Variants in SLC66A2 observed in about 807,000 individuals in gnomAD.
SLC66A2 encodes solute carrier family 66 member 2, also known as PQ loop repeat containing 1.
SLC66A2 carries 23 observed loss-of-function variants against 25.5 expected under a neutral mutation model. The observed-to-expected ratio is 0.90, with a 90% CI of 0.65 to 1.28. The LOEUF (loss-of-function observed/expected upper bound fraction) is 1.28. Among genes scored for constraint, SLC66A2 ranks in the 50% most tolerant of loss-of-function variants. The pLI is 0.00. For synonymous variants in SLC66A2, 193 were observed against 166.5 expected, an observed-to-expected ratio of 1.16 and a Z score of -1.23; for missense variants, 396 against 373.1, an observed-to-expected ratio of 1.06 and a Z score of -0.51.
At position 79,904,090 on chromosome 18, in the gene SLC66A2, G is replaced by C; in HGVS notation, c.702C>G (p.Gly234=). The change falls in exon 6 of 6, where the codon GGC becomes GGG. Residue 234 remains glycine (G), a synonymous_variant. Coordinates refer to ENST00000397778, the MANE Select transcript of SLC66A2 (RefSeq NM_025078.5). The surrounding 1 kb of genome is among the most constrained non-coding windows in gnomAD (Gnocchi z 6.3). ...KGAPLQFSVC[G]LLQVLVDLAI... ...CCAGGTCCACCAGCACCTGCAGCAG[G>C]CCGCACACGGAGAACTGCAGAGGGG... The C allele has an allele frequency of 6.2e-7, 1 of 1,612,750 alleles. No homozygotes were observed. Among genetic ancestry groups the C allele is most frequent in the Non-Finnish European group, 8.5e-7 (1 of 1,179,730 alleles).
intron 5 of SLC66A2, among the ~76,000 whole-genome samples, chr18:79,913,377 C>A (rs1568297976): frequency 6.6e-6 from 1 of 152,254 alleles, no homozygotes; most frequent in African/African-American, 2.4e-5. Flanking sequence ...GTCTTCAAAT[C>A]CAGTAAAAAC....
chr18:79,913,258 G>A (rs1038040329), intron 5 of SLC66A2, among the ~76,000 whole-genome samples: 17 of 152,120 alleles, frequency 1.1e-4, no homozygotes, highest in Admixed American at 1.3e-4. Context: ...CCACAGCCAC[G>A]GTGTCTGTAT....
chr18:79,908,142 T>C (rs1028877978), intron 5 of SLC66A2, among the ~76,000 whole-genome samples: 2 of 152,150 alleles, frequency 1.3e-5, no homozygotes, highest in African/African-American at 4.8e-5. Context: ...TATATTATAT[T>C]TACCCAGATA....
intron 4 of SLC66A2, among the ~76,000 whole-genome samples, chr18:79,926,020 G>A (rs746100581): frequency 9.2e-5 from 14 of 152,138 alleles, no homozygotes; most frequent in Non-Finnish European, 1.3e-4. Context: ...AACCAAGACG[G>A]CCACAAGAGT....
rs1265641956 is a variant in SLC66A2 at position 79,918,429 on chromosome 18, G to GCGGA, written c.608+754_608+755insTCCG. 6.8e-6 allele frequency among the ~76,000 whole-genome samples: 1 copy of GCGGA among 147,866 alleles called. No homozygotes were observed. Among genetic ancestry groups the GCGGA allele is most frequent in the Non-Finnish European group, 1.5e-5 (1 of 66,292 alleles). On this transcript the variant is annotated intron_variant, in intron 5 of 5. Transcript: ENST00000397778. The surrounding 1 kb of genome is among the most constrained non-coding windows in gnomAD (Gnocchi z 4.0). ...CAGTGAGGAGCGGGCCCGGGGGGGG[G>GCGGA]TCCCCAGTGAGGAGCGGGCACCGGG... is the stretch of plus-strand genomic sequence containing the variant.
At chr18:79,926,900 CT>C (rs1164358637) in intron 4 of SLC66A2, among the ~76,000 whole-genome samples, 1 of 152,162 alleles carries the variant, frequency 6.6e-6, no homozygotes. Context: ...AGAAACTGTT[CT>C]TTTAAGCACT....
At chr18:79,914,116 G>A (rs1027123152) in intron 5 of SLC66A2, among the ~76,000 whole-genome samples, 1 of 152,170 alleles carries the variant, frequency 6.6e-6, no homozygotes, top group African/African-American at 2.4e-5. Context: ...ATCTTGGCCA[G>A]GCTGGTCTTG....
At chr18:79,925,491 T>TG (rs1985838590) in intron 4 of SLC66A2, among the ~76,000 whole-genome samples, 1 of 152,268 alleles carries the variant, frequency 6.6e-6, no homozygotes, top group South Asian at 2.1e-4. Context: ...TTTCCAGGCT[T>TG]GGGGGGCTCA....
At chr18:79,943,483 C>A in intron 2 of SLC66A2, 21 bp from the exon 3 acceptor site, 1 of 1,608,916 alleles carries the variant, frequency 6.2e-7, no homozygotes, top group South Asian at 1.1e-5. Flanking sequence ...GACACTGTGT[C>A]AGGAGGGAGG....
chr18:79,940,361 G>A lies in SLC66A2; in HGVS notation c.337+2968C>T, dbSNP rs745867737. Among the ~76,000 whole-genome samples the A allele has an allele frequency of 1.3e-5, 2 of 152,138 alleles. No homozygotes were observed. Among genetic ancestry groups the A allele is most frequent in the Non-Finnish European group, 2.9e-5 (2 of 68,024 alleles). ...GTCACGCCCGTAATGCCAGCACTTC[G>A]GGAGGCCAAGGTGGGTGGATCACTT... On this transcript the variant is annotated intron_variant, in intron 3 of 5. Transcript: ENST00000397778. The surrounding 1 kb of genome is among the most constrained non-coding windows in gnomAD (Gnocchi z 4.1).
At chr18:79,925,250 C>T (rs975422281) in intron 4 of SLC66A2, among the ~76,000 whole-genome samples, 3 of 152,090 alleles carry the variant, frequency 2.0e-5, no homozygotes, top group Non-Finnish European at 4.4e-5. Flanking sequence ...CACTGCTGAG[C>T]CCGACAGAAA....
At chr18:79,915,373 G>C (rs541906232) in intron 5 of SLC66A2, 1 of 152,292 alleles carries the variant, frequency 6.6e-6, no homozygotes, top group Non-Finnish European at 1.5e-5. Flanking sequence ...CAGACTCTCC[G>C]GGGCGCTCAT....
At chr18:79,950,033 G>C (rs990651235) in intron 2 of SLC66A2, among the ~76,000 whole-genome samples, 1 of 152,012 alleles carries the variant, frequency 6.6e-6, no homozygotes, top group African/African-American at 2.4e-5. Flanking sequence ...AGTCTCCAGA[G>C]AGAGTGACTT....
chr18:79,933,939 C>A, intron 4 of SLC66A2, 30 bp downstream of exon 4: 1 of 1,598,422 alleles, frequency 6.3e-7, no homozygotes. Context: ...AAGGAACGTG[C>A]TGCGGACAGT....
chr18:79,943,157 C>G (rs1307863074), intron 3 of SLC66A2, among the ~76,000 whole-genome samples, 172 bp downstream of exon 3: 2 of 152,194 alleles, frequency 1.3e-5, no homozygotes, highest in East Asian at 1.9e-4. Flanking sequence ...AGTCATAAAC[C>G]GTTTAACTGA....
chr18:79,924,096 G>T (rs181175282), intron 4 of SLC66A2, among the ~76,000 whole-genome samples: 3 of 151,884 alleles, frequency 2.0e-5, no homozygotes, highest in Admixed American at 2.0e-4. Flanking sequence ...CCCTCAATTC[G>T]TGCATTTACC....
intron 4 of SLC66A2, 79 bp downstream of exon 4, chr18:79,933,890 G>A (rs150672878): frequency 4.0e-5 from 52 of 1,294,082 alleles, no homozygotes; most frequent in Non-Finnish European, 5.4e-5. Context: ...ACAGATGGAA[G>A]CAACAACAGG....
chr18:79,915,261 CCCGGCAGCACGGGCGGGG>C (rs1329337604), intron 5 of SLC66A2: 1 of 152,292 alleles, frequency 6.6e-6, no homozygotes, highest in Non-Finnish European at 1.5e-5. Flanking sequence ...GGCTGAAGCT[CCCGGCAGCACGGGCGGGG>C]CCAGCCCCAC....
chr18:79,933,135 G>C (rs767418235), intron 4 of SLC66A2, among the ~76,000 whole-genome samples: 7 of 152,150 alleles, frequency 4.6e-5, no homozygotes, highest in Non-Finnish European at 1.0e-4. Context: ...ATGCAAGGTT[G>C]GTTCAACACA....
Sources: allele counts gnomAD v4.1 joint callset (sites outside exome capture counted in the v4.1 genomes callset), GRCh38; gene constraint gnomAD v4.1.1; non-coding constraint Gnocchi (gnomAD v3.1); transcripts MANE v1.5; gene names NCBI Gene and HGNC (gene_info 2026-07-23, HGNC 2026-07-21).